Variants in EIF3B observed in about 807,000 individuals in gnomAD.
EIF3B encodes the protein eukaryotic translation initiation factor 3 subunit B.
A neutral mutation model predicts 104.6 loss-of-function variants in EIF3B; 10 were observed. The ratio of observed to expected loss-of-function variants is 0.10; its 90% CI spans 0.06 to 0.16. The LOEUF (loss-of-function observed/expected upper bound fraction) is 0.16, where lower values mean the gene tolerates loss of function less well. Among genes scored for constraint, EIF3B ranks in the 10% least tolerant of loss-of-function variants. The pLI is 1.00. For missense variants in EIF3B, 1,014 were observed against 1,087.9 expected (o/e 0.93, Z 0.96); for synonymous variants, 542 against 417.2 (o/e 1.30, Z -3.65).
At position 2,372,911 on chromosome 7, in the gene EIF3B, C is replaced by T. The variant is rs146350966; in HGVS notation, c.1810+116C>T. ...GACCACTGCTGGGCAGGCCGGGACT[C>T]GCCTATGAATGGGGTGTGGCCTCGG... On this transcript the variant is annotated intron_variant, in intron 12 of 18. Transcript: ENST00000360876. 457 of 1,214,264 alleles carry T rather than the reference C, an allele frequency of 3.8e-4. 1 individual carries two copies. In the African/African-American group the frequency reaches 5.6e-3, roughly 15 times the overall value. The allele number at this position is 1,214,264 out of a possible 1,614,324, so 75.2% of individuals were successfully genotyped here.
At chr7:2,362,599 C>T (rs201852385) in intron 2 of EIF3B, 46 bp from the exon 3 acceptor site, 4 of 1,611,678 alleles carry the variant, frequency 2.5e-6, no homozygotes, top group Admixed American at 3.3e-5. Context: ...GCATACCTGC[C>T]TAGCCTTACA....
At chr7:2,379,281 T>TA (rs755519205) in intron 17 of EIF3B, 39 bp downstream of exon 17, 51 of 1,585,302 alleles carry the variant, frequency 3.2e-5, no homozygotes, top group East Asian at 4.5e-5. Flanking sequence ...AGCTGGCCCT[T>TA]ACGCTGCCCC....
intron 9 of EIF3B, 59 bp from the exon 10 acceptor site, chr7:2,369,413 C>T (rs758725837): frequency 2.4e-5 from 38 of 1,559,514 alleles, no homozygotes; most frequent in Non-Finnish European, 3.3e-5. Flanking sequence ...TTCTCTTCTG[C>T]TTTTCAGTTT....
intron 8 of EIF3B, 26 bp downstream of exon 8, chr7:2,366,617 G>A (rs752031549): frequency 5.6e-6 from 9 of 1,612,930 alleles, no homozygotes; most frequent in Admixed American, 3.3e-5. Flanking sequence ...GATGGCAAAC[G>A]CCCCGTCCGG....
intron 6 of EIF3B, among the ~76,000 whole-genome samples, chr7:2,365,666 T>TGG (rs1779972499): frequency 1.6e-5 from 1 of 63,294 alleles, no homozygotes; most frequent in Non-Finnish European, 2.8e-5. Flanking sequence ...TTTGTTTGTT[T>TGG]GTTTGTTTGT....
intron 10 of EIF3B, among the ~76,000 whole-genome samples, chr7:2,370,900 A>T (rs947509125): frequency 6.6e-6 from 1 of 152,094 alleles, no homozygotes; most frequent in African/African-American, 2.4e-5. Flanking sequence ...CGTCTCTACT[A>T]AAAATGCAAA....
At chr7:2,368,773 T>C (rs1320805054) in intron 9 of EIF3B, among the ~76,000 whole-genome samples, 1 of 152,232 alleles carries the variant, frequency 6.6e-6, no homozygotes, top group Non-Finnish European at 1.5e-5. Context: ...ATGGGCACGT[T>C]TTTATTTATC....
rs150290110 is a variant in EIF3B at position 2,369,425 on chromosome 7, G to A, written c.1404-47G>A. ...CTATTCTCTTCTGCTTTTCAGTTTC[G>A]TCATCACTTGGTCTTTGCTTTAACA... On this transcript the variant is annotated intron_variant, in intron 9 of 18. Transcript: ENST00000360876. 2,725 of 1,587,546 alleles carry A rather than the reference G, an allele frequency of 1.7e-3. 46 individuals are homozygous for A. The South Asian group carries it at 0.019, about 11-fold the overall frequency.
intron 14 of EIF3B, chr7:2,375,896 G>A (rs1780604387): frequency 4.9e-6 from 1 of 202,838 alleles, no homozygotes; most frequent in Non-Finnish European, 1.0e-5. Flanking sequence ...CAGCTGCCGC[G>A]TTACCCACAA....
chr7:2,363,798 C>G (rs760121128), intron 5 of EIF3B, 38 bp downstream of exon 5: 1 of 1,594,934 alleles, frequency 6.3e-7, no homozygotes, highest in Non-Finnish European at 8.5e-7. Flanking sequence ...GGACTCACCT[C>G]TCCTGTATTT....
chr7:2,355,977 A>C (rs1449218371), intron 1 of EIF3B, among the ~76,000 whole-genome samples: 1 of 151,964 alleles, frequency 6.6e-6, no homozygotes, highest in African/African-American at 2.4e-5. Context: ...CTTGCGCTAA[A>C]TCTATAAAGA....
rs756118340 is a variant in EIF3B at position 2,379,129 on chromosome 7, C to G, written c.2233-5C>G. On this transcript the variant is annotated splice_region_variant and splice_polypyrimidine_tract_variant and intron_variant, in intron 16 of 18. Coordinates refer to ENST00000360876, the MANE Select transcript of EIF3B (RefSeq NM_001037283.2). ...GTTCTGTGCTTTCCCCAACCTCATG[C>G]ATAGGAATTGGTGGAGAGAAGGCGC... 1 of 1,613,172 alleles carries G rather than the reference C, an allele frequency of 6.2e-7. No individual in the cohort carries two copies. Among genetic ancestry groups the G allele is most frequent in the East Asian group, 2.2e-5 (1 of 44,872 alleles).
chr7:2,372,763 A>G lies in EIF3B; in HGVS notation c.1778A>G (p.His593Arg), dbSNP rs1377350348. ...CCGCGGATATCTGTGTCTTTCTACC[A>G]CGTCAAAAACAACGGGAAGATTGAA... ...EAPRISVSFY[H>R]VKNNGKIELI... is the part of the protein sequence containing the mutation. Residue 593 changes from histidine to arginine, a missense_variant, in exon 12 of 19, where the codon CAC becomes CGC. His to Arg is a conservative substitution (Grantham distance 29, BLOSUM62 0). Transcript: ENST00000360876. The G allele has an allele frequency of 3.7e-6, 6 of 1,614,164 alleles. No individual in the cohort carries two copies. Among genetic ancestry groups the G allele is most frequent in the Non-Finnish European group, 5.1e-6 (6 of 1,180,014 alleles).
intron 15 of EIF3B, 66 bp downstream of exon 15, chr7:2,377,141 G>C (rs533213695): frequency 6.5e-7 from 1 of 1,528,634 alleles, no homozygotes; most frequent in African/African-American, 1.4e-5. Context: ...AAAGGTGTCA[G>C]TTTTTTCTGT....
chr7:2,364,576 GC>G, intron 6 of EIF3B, 47 bp downstream of exon 6: 1 of 1,546,368 alleles, frequency 6.5e-7, no homozygotes, highest in Non-Finnish European at 8.8e-7. Context: ...TTCACCCCAT[GC>G]CAGCCTTCTA....
At chr7:2,367,430 G>C (rs140860114) in intron 9 of EIF3B, among the ~76,000 whole-genome samples, 1 of 150,530 alleles carries the variant, frequency 6.6e-6, no homozygotes, top group East Asian at 2.0e-4. Flanking sequence ...GTGGTCCATT[G>C]CAGTTGGTTT....
At chr7:2,375,553 G>A (rs1780584361) in intron 14 of EIF3B, 26 bp downstream of exon 14, 1 of 1,613,662 alleles carries the variant, frequency 6.2e-7, no homozygotes, top group African/African-American at 1.3e-5. Context: ...GCATAGTTTT[G>A]ACTGTGGATA....
chr7:2,367,209 G>C, intron 9 of EIF3B, 164 bp downstream of exon 9: 1 of 642,330 alleles, frequency 1.6e-6, no homozygotes, highest in Non-Finnish European at 2.6e-6. Flanking sequence ...GGTGCCTGCA[G>C]ACTGTCTGGT....
Position 2,379,204 on chromosome 7 carries a change from A to G in EIF3B, c.2303A>G (p.Tyr768Cys). ...RKYRKMAQEL[Y>C]MEQKNERLEL... ...TACCGGAAAATGGCCCAGGAGCTCT[A>G]TATGGAGCAGAAAAACGAGCGCCTG... is the stretch of plus-strand genomic sequence containing the variant. The change falls in exon 17 of 19, where the codon TAT (tyrosine) becomes TGT (cysteine). Residue 768 changes from tyrosine (Y) to cysteine (C), a missense_variant. Physicochemically the swap from Tyr to Cys is radical, Grantham distance 194 (BLOSUM62 -2). Coordinates refer to ENST00000360876, the MANE Select transcript of EIF3B (RefSeq NM_001037283.2). 6.2e-7 allele frequency: 1 copy of G among 1,613,820 alleles called. No individual in the cohort carries two copies.
Sources: gnomAD v4.1 joint callset for allele counts (sites outside exome capture counted in the v4.1 genomes callset) on GRCh38, gnomAD v4.1.1 for gene constraint, MANE v1.5 for transcripts, NCBI Gene and HGNC (gene_info 2026-07-23, HGNC 2026-07-21) for gene names.